The following SRRM1 variants were observed in gnomAD, a reference collection of about 807,000 sequenced individuals.
The protein encoded by SRRM1 is serine/arginine repetitive matrix protein 1.
A neutral mutation model predicts 110.2 loss-of-function variants in SRRM1; 19 were observed. The observed-to-expected ratio is 0.17, with a 90% CI of 0.12 to 0.25. SRRM1 has a LOEUF of 0.25. Ranked by LOEUF, SRRM1 falls within the 10% of genes least tolerant of loss-of-function variation. The probability of loss-of-function intolerance (pLI) is 1.00; values close to 1 mark genes in which losing one functional copy is unlikely to be tolerated. For missense variants in SRRM1, 918 were observed against 1,145.8 expected (o/e 0.80, Z 2.87); for synonymous variants, 443 against 414.9 (o/e 1.07, Z -0.82).
In SRRM1 at chr1:24,651,475, T is replaced by C; in HGVS notation, c.588T>C (p.Ser196=). The C allele has an allele frequency of 1.2e-6, 2 of 1,614,168 alleles. No homozygotes were observed. Among genetic ancestry groups the C allele is most frequent in the East Asian group, 2.2e-5 (1 of 44,878 alleles). Reference sequence around the variant, plus strand: ...CTGTCAGGAGAGAGAGAAAGCGCAGTCATTCTCGATCTCCCCGTCACAGAA... The same window carrying C: ...CTGTCAGGAGAGAGAGAAAGCGCAGCCATTCTCGATCTCCCCGTCACAGAA... ...SSPVRRERKR[S]HSRSPRHRTK... Residue 196 remains serine, a synonymous_variant, in exon 6 of 17, where the codon AGT becomes AGC. Transcript: ENST00000323848.
At chr1:24,662,443 T>G (rs1013670782) in intron 11 of SRRM1, among the ~76,000 whole-genome samples, 7 of 152,232 alleles carry the variant, frequency 4.6e-5, no homozygotes, top group Admixed American at 4.6e-4. Flanking sequence ...CCATCTTGAT[T>G]GGATTACACT....
chr1:24,651,417 C>A lies in SRRM1; in HGVS notation c.530C>A (p.Ser177Tyr), dbSNP rs1436630877. 1.9e-6 allele frequency: 3 copies of A among 1,613,708 alleles called. No individual in the cohort carries two copies. The highest frequency in any genetic ancestry group is 2.5e-6 in the Non-Finnish European group (3 of 1,179,836). Residue 177 changes from serine (S) to tyrosine (Y), a missense_variant, in exon 6 of 17, where the codon TCC becomes TAC. Ser to Tyr is a moderately radical substitution (Grantham distance 144). Coordinates refer to ENST00000323848, the MANE Select transcript of SRRM1 (RefSeq NM_005839.4). ...ERSRSPRRRK[S>Y]RSPSPRRRSS... ...AATTACTTTCATCCTAGACGCAAATCCAGATCTCCTTCCCCTAGAAGACGA... is the reference window on the plus strand; with the variant it reads ...AATTACTTTCATCCTAGACGCAAATACAGATCTCCTTCCCCTAGAAGACGA...
intron 12 of SRRM1, among the ~76,000 whole-genome samples, chr1:24,665,987 T>C (rs945951257): frequency 2.0e-5 from 3 of 152,212 alleles, no homozygotes; most frequent in African/African-American, 7.2e-5. Context: ...AAGCCACTTG[T>C]GACTATTGGC....
rs757498986 is a variant in SRRM1, at chr1:24,669,281, G to A, written c.1898G>A (p.Arg633Gln). 2.5e-5 allele frequency: 41 copies of A among 1,613,842 alleles called. 1 individual carries two copies. Among genetic ancestry groups the A allele is most frequent in the Non-Finnish European group, 3.3e-5 (39 of 1,180,014 alleles). ...RRASPSPPPK[R>Q]RVSHSPPPKQ... is the part of the protein sequence containing the mutation. ...GCATCACCATCTCCACCACCAAAGCGGCGGGTCTCCCATTCTCCACCTCCC... is the reference window on the plus strand; with the variant it reads ...GCATCACCATCTCCACCACCAAAGCAGCGGGTCTCCCATTCTCCACCTCCC... Residue 633 changes from arginine (R) to glutamine (Q), a missense_variant, in exon 14 of 17, where the codon CGG becomes CAG. Around this residue, in one of 5 missense-constraint regions of SRRM1, gnomAD observed 357 missense variants for 402.9 expected, o/e 0.89. Transcript: ENST00000323848.
Position 24,645,995 on chromosome 1 carries a change from A to G in SRRM1, c.33A>G (p.Ala11=), listed in dbSNP as rs762246291. The change falls in exon 2 of 17, where the codon GCA becomes GCG. Residue 11 remains alanine, a synonymous_variant. Coordinates refer to ENST00000323848, the MANE Select transcript of SRRM1 (RefSeq NM_005839.4). ...TTCTCTTCCTGCAGGGAACAAGTGCAGAACAGGATAATCGGTTCAGCAACA... is the reference window on the plus strand; with the variant it reads ...TTCTCTTCCTGCAGGGAACAAGTGCGGAACAGGATAATCGGTTCAGCAACA... MDAGFFRGTS[A]EQDNRFSNKQ... 2.2e-5 allele frequency: 36 copies of G among 1,613,610 alleles called. No individual in the cohort carries two copies. In the South Asian group the frequency reaches 3.4e-4, roughly 15 times the overall value.
At chr1:24,663,791 C>T (rs779160378) in intron 12 of SRRM1, among the ~76,000 whole-genome samples, 2 of 151,146 alleles carry the variant, frequency 1.3e-5, no homozygotes, top group African/African-American at 4.9e-5. Flanking sequence ...GCAGGAGAAT[C>T]GCTTGAACCC....
chr1:24,643,710 G>A, intron 1 of SRRM1: 1 of 303,420 alleles, frequency 3.3e-6, no homozygotes, highest in Non-Finnish European at 6.1e-6. Flanking sequence ...GTCCCGAGTG[G>A]GAGGCCAAAG....
intron 13 of SRRM1, among the ~76,000 whole-genome samples, chr1:24,667,286 T>G (rs1373840453): frequency 6.6e-6 from 1 of 152,184 alleles, no homozygotes; most frequent in Admixed American, 6.5e-5. Flanking sequence ...CTAAAATCAT[T>G]TAATTGTATA....
intron 12 of SRRM1, 26 bp from the exon 13 acceptor site, chr1:24,666,789 A>G (rs775699368): frequency 5.0e-6 from 8 of 1,594,598 alleles, no homozygotes; most frequent in South Asian, 1.1e-5. Flanking sequence ...AAGAAAAAAA[A>G]TTAACTATAA....
chr1:24,667,097 TTTCTGATGA>T (rs1398122875), intron 13 of SRRM1, among the ~76,000 whole-genome samples, 172 bp downstream of exon 13: 13 of 152,184 alleles, frequency 8.5e-5, no homozygotes, highest in Non-Finnish European at 1.6e-4. Context: ...TCTCTGAATC[TTTCTGATGA>T]TTATATCTTA....
Position 24,643,360 on chromosome 1 carries a change from G to C in SRRM1, c.21+13G>C. 1 of 1,548,954 alleles carries C rather than the reference G, an allele frequency of 6.5e-7. No homozygotes were observed. The highest frequency in any genetic ancestry group is 8.7e-7 in the Non-Finnish European group (1 of 1,153,248). Reference sequence around the variant, plus strand: ...GGGATTTTTCCGCGTAAGTAGAAGCGCCGGGCGCCGGGGTGAGGCCAGGGA... The same window carrying C: ...GGGATTTTTCCGCGTAAGTAGAAGCCCCGGGCGCCGGGGTGAGGCCAGGGA... On this transcript the variant is annotated intron_variant, in intron 1 of 16. Coordinates refer to ENST00000323848, the MANE Select transcript of SRRM1 (RefSeq NM_005839.4).
chr1:24,645,938 G>A, intron 1 of SRRM1, 46 bp from the exon 2 acceptor site: 1 of 1,528,500 alleles, frequency 6.5e-7, no homozygotes, highest in Non-Finnish European at 9.0e-7. Context: ...AAAAAGTAAG[G>A]ATTTAACTTT....
intron 9 of SRRM1, among the ~76,000 whole-genome samples, chr1:24,655,394 T>G (rs983887466): frequency 6.6e-6 from 1 of 152,156 alleles, no homozygotes; most frequent in Non-Finnish European, 1.5e-5. Context: ...GCTGTTTGAG[T>G]TGGGGTAACA....
At chr1:24,661,454 G>T (rs1427977231) in intron 11 of SRRM1, 58 bp downstream of exon 11, 1 of 1,249,568 alleles carries the variant, frequency 8.0e-7, no homozygotes, top group Non-Finnish European at 1.2e-6. Flanking sequence ...AAAATACTTG[G>T]TATATAAACA....
intron 9 of SRRM1, among the ~76,000 whole-genome samples, chr1:24,659,063 G>A (rs367632764): frequency 3.3e-5 from 5 of 152,026 alleles, no homozygotes; most frequent in Admixed American, 6.5e-5. Flanking sequence ...CGTGGTTGGC[G>A]CATGCCTGTA....
intron 5 of SRRM1, 152 bp downstream of exon 5, chr1:24,650,238 G>T: frequency 1.6e-6 from 1 of 630,072 alleles, no homozygotes; most frequent in Non-Finnish European, 2.4e-6. Context: ...CTGGACTAAA[G>T]AAATCTGTCA....
intron 13 of SRRM1, 96 bp downstream of exon 13, chr1:24,667,021 G>A (rs964173212): frequency 1.9e-5 from 14 of 725,076 alleles, no homozygotes; most frequent in Non-Finnish European, 2.8e-5. Flanking sequence ...TAACAAGGTT[G>A]GAGAGAGGCA....
At chr1:24,658,208 ATTT>A (rs573100578) in intron 9 of SRRM1, among the ~76,000 whole-genome samples, 3 of 137,476 alleles carry the variant, frequency 2.2e-5, no homozygotes, top group Admixed American at 7.3e-5. Context: ...GATGGTATAA[ATTT>A]TTTTTTTTTT....
At chr1:24,657,242 T>C (rs1198881405) in intron 9 of SRRM1, among the ~76,000 whole-genome samples, 4 of 152,166 alleles carry the variant, frequency 2.6e-5, no homozygotes, top group Non-Finnish European at 5.9e-5. Flanking sequence ...CCCAGCCCTC[T>C]GTGATGAAAT....
Sources: gnomAD v4.1 joint callset for allele counts (sites outside exome capture counted in the v4.1 genomes callset) on GRCh38, gnomAD v4.1.1 for gene constraint, gnomAD v4.1.1 regional missense constraint, MANE v1.5 for transcripts, NCBI Gene and HGNC (gene_info 2026-07-23, HGNC 2026-07-21) for gene names.